The following KIF3A variants were observed in gnomAD, a reference collection of about 807,000 sequenced individuals.
KIF3A encodes the protein kinesin family member 3A, also known as kinesin-like protein KIF3A.
In KIF3A, 27 loss-of-function variants were observed where a neutral mutation model predicts 92.6. The observed-to-expected ratio is 0.29, with a 90% CI of 0.21 to 0.40. KIF3A has a LOEUF of 0.40. Ranked by LOEUF, KIF3A falls within the 10% of genes least tolerant of loss-of-function variation. The pLI is 1.00. For synonymous variants in KIF3A, 250 were observed against 275.4 expected (o/e 0.91, Z 0.92); for missense variants, 581 against 872.6 (o/e 0.67, Z 4.21).
intron 8 of KIF3A, among the ~76,000 whole-genome samples, chr5:132,711,486 G>A (rs138466295): frequency 0.03 from 4,551 of 152,074 alleles, 221 homozygotes; most frequent in African/African-American, 0.1. Context: ...CAGCTACTTG[G>A]GAGGCTGAGG....
At chr5:132,726,577 A>G in intron 2 of KIF3A, 79 bp from the exon 3 acceptor site, 1 of 1,266,020 alleles carries the variant, frequency 7.9e-7, no homozygotes, top group Non-Finnish European at 1.1e-6. Context: ...AATTCCTTTG[A>G]CACTGTGATG....
intron 4 of KIF3A, among the ~76,000 whole-genome samples, chr5:132,725,591 T>C (rs895835092): frequency 2.0e-5 from 3 of 152,122 alleles, no homozygotes; most frequent in Admixed American, 2.0e-4. Flanking sequence ...CTTGAGCAAG[T>C]CAAGAAACCC....
chr5:132,734,349 T>C lies in KIF3A; in HGVS notation c.136A>G (p.Ile46Val), dbSNP rs371819067. The change falls in exon 2 of 19, where the codon ATC becomes GTC. Residue 46 changes from isoleucine to valine, a missense_variant. Transcript: ENST00000403231. ...GAAGAATCAGTCTTATGTACAGTGA[T>C]AGTTCCCCTCATCTCATCCACACTG... Reference protein sequence around the residue: ...AVSVDEMRGTITVHKTDSSNE... With the variant: ...AVSVDEMRGTVTVHKTDSSNE... The C allele has an allele frequency of 9.9e-6, 16 of 1,614,076 alleles. No individual in the cohort carries two copies. The highest frequency in any genetic ancestry group is 1.4e-5 in the Non-Finnish European group (16 of 1,180,032).
At chr5:132,707,545 C>T (rs935895368) in intron 10 of KIF3A, among the ~76,000 whole-genome samples, 2 of 152,206 alleles carry the variant, frequency 1.3e-5, no homozygotes, top group Admixed American at 6.5e-5. Context: ...CAAATATTTT[C>T]GCATATTTCA....
chr5:132,711,583 C>T (rs1753425890), intron 8 of KIF3A, among the ~76,000 whole-genome samples: 1 of 115,464 alleles, frequency 8.7e-6, no homozygotes, highest in Non-Finnish European at 2.1e-5. Context: ...CAGAGTGACT[C>T]TGTCTCAAAA....
Position 132,716,061 on chromosome 5 carries a change from C to T in KIF3A, c.955-130G>A, listed in dbSNP as rs545780266. ...TTGGCCTTCTCGAAAATGAGAGTGT[C>T]AACCACATGAGTTTCCAAAGGACAC... On this transcript the variant is annotated intron_variant, in intron 7 of 18. Coordinates refer to ENST00000403231, the MANE Select transcript of KIF3A (RefSeq NM_001300791.2). The T allele has an allele frequency of 2.6e-5, 22 of 851,310 alleles. No individual in the cohort carries two copies. In the South Asian group the frequency reaches 2.9e-4, roughly 11 times the overall value. 52.7% of individuals were successfully genotyped at this position (851,310 alleles called of 1,614,324 possible).
intron 2 of KIF3A, among the ~76,000 whole-genome samples, chr5:132,728,674 C>CT (rs1754121824): frequency 6.6e-6 from 1 of 151,968 alleles, no homozygotes; most frequent in East Asian, 1.9e-4. Context: ...GAGGCGAAGG[C>CT]TGCAGTGAGC....
rs143064273 is a variant in KIF3A at position 132,714,272 on chromosome 5, G to C, written c.1129+1485C>G. Reference sequence around the variant, plus strand: ...GAATGGTTGTTGGCCAGGAACTAGGGGAAGGGAGGAATGGGTACATACTGT... The same window carrying C: ...GAATGGTTGTTGGCCAGGAACTAGGCGAAGGGAGGAATGGGTACATACTGT... On this transcript the variant is annotated intron_variant, in intron 8 of 18. Transcript: ENST00000403231. Among the ~76,000 whole-genome samples, 29 of 152,194 alleles carry C rather than the reference G, an allele frequency of 1.9e-4. No homozygotes were observed. The East Asian group carries it at 3.9e-3, about 20-fold the overall frequency.
intron 1 of KIF3A, 96 bp from the exon 2 acceptor site, chr5:132,734,574 C>T: frequency 9.4e-7 from 1 of 1,059,586 alleles, no homozygotes; most frequent in South Asian, 1.7e-5. Flanking sequence ...TTTTCCAACT[C>T]AGTGCCTTGC....
intron 11 of KIF3A, among the ~76,000 whole-genome samples, chr5:132,705,137 CTT>C (rs1753166525): frequency 6.6e-6 from 1 of 151,884 alleles, no homozygotes; most frequent in South Asian, 2.1e-4. Flanking sequence ...TGTATTGAAT[CTT>C]TTGAATTAGC....
rs1189464687 is a variant in KIF3A, at chr5:132,699,716, GC to G, written c.2008-422del. 12 of 341,522 alleles carry G rather than the reference GC, an allele frequency of 3.5e-5. No homozygotes were observed. In the Admixed American group the frequency reaches 4.8e-4, roughly 14 times the overall value. 21.2% of individuals were successfully genotyped at this position (341,522 alleles called of 1,614,324 possible). A position where few individuals can be genotyped will look rare whatever the true frequency, so the allele number is the denominator to read the frequency against. On this transcript the variant is annotated intron_variant, in intron 17 of 18. Coordinates refer to ENST00000403231, the MANE Select transcript of KIF3A (RefSeq NM_001300791.2). ...TGGGACTACAGGCACCCGCCACCAC[GC>G]CCGGCTAATTTTTTTTGTATTTTTT...
chr5:132,719,545 G>A (rs1005024966), intron 5 of KIF3A, among the ~76,000 whole-genome samples: 2 of 150,786 alleles, frequency 1.3e-5, no homozygotes, highest in Admixed American at 6.6e-5. Context: ...AAGTTGGAGT[G>A]CAGTGGCGCG....
At chr5:132,736,609 GAACA>G (rs1440943035) in intron 1 of KIF3A, among the ~76,000 whole-genome samples, 3 of 152,216 alleles carry the variant, frequency 2.0e-5, no homozygotes, top group African/African-American at 4.8e-5. Flanking sequence ...GCAGTGAACA[GAACA>G]AATATAGAGC....
At position 132,694,394 on chromosome 5, in the gene KIF3A, A is replaced by T. The variant is rs1581055878; in HGVS notation, c.*2240T>A. On this transcript the variant is annotated 3_prime_UTR_variant, in exon 19 of 19. Coordinates refer to ENST00000403231, the MANE Select transcript of KIF3A (RefSeq NM_001300791.2). ...CAGACTCCGTCTCCAAACAAAAAAC[A>T]AACACCCCTGCTATAGTAGCCTGCT... 2 of 152,352 alleles carry T rather than the reference A, an allele frequency of 1.3e-5. No homozygotes were observed. Among genetic ancestry groups the T allele is most frequent in the East Asian group, 3.8e-4 (2 of 5,196 alleles). The allele number at this position is 152,352 out of a possible 1,614,324, so 9.4% of individuals were successfully genotyped here.
At chr5:132,723,117 G>A (rs1334113062) in intron 4 of KIF3A, 4 of 152,130 alleles carry the variant, frequency 2.6e-5, no homozygotes, top group African/African-American at 2.4e-5. Flanking sequence ...TCTTCAAGGA[G>A]AACTACAAAC....
downstream of KIF3A, among the ~76,000 whole-genome samples, chr5:132,692,200 T>C (rs1204286499): frequency 1.3e-5 from 2 of 152,088 alleles, no homozygotes; most frequent in Admixed American, 1.3e-4. Flanking sequence ...TTGTCACTTA[T>C]AAGTGGGAGC....
At chr5:132,713,594 T>C (rs770851893) in intron 8 of KIF3A, among the ~76,000 whole-genome samples, 18 of 152,084 alleles carry the variant, frequency 1.2e-4, no homozygotes, top group Non-Finnish European at 2.1e-4. Flanking sequence ...AGTATTATCA[T>C]AGAATCCAGC....
intron 5 of KIF3A, among the ~76,000 whole-genome samples, chr5:132,717,472 T>C (rs1342574382): frequency 6.6e-6 from 1 of 151,824 alleles, no homozygotes; most frequent in Non-Finnish European, 1.5e-5. Flanking sequence ...CTTGAACATA[T>C]AAACCACAGG....
At chr5:132,716,754 A>C in intron 6 of KIF3A, 91 bp downstream of exon 6, 1 of 1,368,588 alleles carries the variant, frequency 7.3e-7, no homozygotes, top group Middle Eastern at 1.8e-4. Flanking sequence ...ATCATATGTA[A>C]ATCATACCTT....
Sources: allele counts gnomAD v4.1 joint callset (sites outside exome capture counted in the v4.1 genomes callset), GRCh38; gene constraint gnomAD v4.1.1; transcripts MANE v1.5; gene names NCBI Gene and HGNC (gene_info 2026-07-23, HGNC 2026-07-21).